The following CFAP299 variants were observed in gnomAD, a reference collection of about 807,000 sequenced individuals.
CFAP299 encodes cilia- and flagella-associated protein 299.
Under a neutral mutation model 27.0 loss-of-function variants are expected in CFAP299, and 21 were observed. The ratio of observed to expected loss-of-function variants is 0.78; its 90% CI spans 0.55 to 1.12. The LOEUF (loss-of-function observed/expected upper bound fraction) is 1.12. Among genes scored for constraint, CFAP299 ranks in the 50% most tolerant of loss-of-function variants. The pLI, the probability that CFAP299 is intolerant of heterozygous loss-of-function variation, is 0.00. For missense variants in CFAP299, 310 were observed against 276.6 expected (o/e 1.12, Z -0.86); for synonymous variants, 104 against 98.1 (o/e 1.06, Z -0.36).
intron 4 of CFAP299, among the ~76,000 whole-genome samples, chr4:80,935,754 T>C (rs967637423): frequency 6.6e-6 from 1 of 151,986 alleles, no homozygotes; most frequent in Non-Finnish European, 1.5e-5. Flanking sequence ...CATGGCATAA[T>C]AAATTATCAA....
At chr4:80,640,457 C>A (rs1038871901) in intron 3 of CFAP299, among the ~76,000 whole-genome samples, 3 of 152,166 alleles carry the variant, frequency 2.0e-5, no homozygotes, top group Non-Finnish European at 2.9e-5. Flanking sequence ...GTAATCCAAT[C>A]TCAAGCTCTG....
chr4:80,370,130 T>C (rs1453786971), intron 2 of CFAP299, among the ~76,000 whole-genome samples: 2 of 152,090 alleles, frequency 1.3e-5, no homozygotes, highest in Admixed American at 1.3e-4. Flanking sequence ...GCTGGCACTT[T>C]ACATGGCCAG....
upstream of CFAP299, chr4:80,335,648 TG>T: frequency 1.5e-6 from 1 of 684,268 alleles, no homozygotes. Flanking sequence ...CGCCGGGGGG[TG>T]GGATTAACGT....
chr4:80,446,261 G>GA (rs967095941), intron 2 of CFAP299, among the ~76,000 whole-genome samples: 4 of 152,148 alleles, frequency 2.6e-5, no homozygotes, highest in Non-Finnish European at 5.9e-5. Context: ...AGGGTCAGGG[G>GA]AAAGTGGCAG....
intron 3 of CFAP299, among the ~76,000 whole-genome samples, chr4:80,680,653 C>T (rs1719778452): frequency 1.3e-5 from 2 of 152,074 alleles, no homozygotes. Context: ...TCTGATGTTC[C>T]ACATGGGATT....
intron 3 of CFAP299, among the ~76,000 whole-genome samples, chr4:80,639,238 AC>A (rs958616561): frequency 6.6e-6 from 1 of 152,192 alleles, no homozygotes; most frequent in African/African-American, 2.4e-5. Context: ...CGTATGTAAA[AC>A]AAAGAGTCAC....
chr4:80,775,472 A>G (rs2110086863), intron 3 of CFAP299, among the ~76,000 whole-genome samples: 1 of 152,152 alleles, frequency 6.6e-6, no homozygotes, highest in South Asian at 2.1e-4. Context: ...TCTGTAATAC[A>G]CCATATTTAT....
At chr4:80,686,881 C>T (rs1720232382) in intron 3 of CFAP299, among the ~76,000 whole-genome samples, 1 of 152,190 alleles carries the variant, frequency 6.6e-6, no homozygotes, top group South Asian at 2.1e-4. Context: ...GCTGAAACCT[C>T]CTGACTGATG....
At chr4:80,546,128 A>T (rs201799519) in intron 2 of CFAP299, among the ~76,000 whole-genome samples, 1 of 152,188 alleles carries the variant, frequency 6.6e-6, no homozygotes, top group Non-Finnish European at 1.5e-5. Flanking sequence ...TGACAAGCCC[A>T]CAGCCGGTGT....
At chr4:80,356,998 A>G (rs1053647615) in intron 1 of CFAP299, among the ~76,000 whole-genome samples, 1 of 152,026 alleles carries the variant, frequency 6.6e-6, no homozygotes, top group Admixed American at 6.6e-5. Flanking sequence ...TTATTGTTTC[A>G]AGGTATGTTC....
At chr4:80,687,654 AAC>A (rs1477254733) in intron 3 of CFAP299, among the ~76,000 whole-genome samples, 2 of 152,212 alleles carry the variant, frequency 1.3e-5, no homozygotes, top group African/African-American at 2.4e-5. Context: ...GGCTGTCTAA[AAC>A]ACAGAGCAGG....
chr4:80,382,722 G>A (rs965699194), intron 2 of CFAP299, among the ~76,000 whole-genome samples: 2 of 152,126 alleles, frequency 1.3e-5, no homozygotes, highest in Admixed American at 6.5e-5. Context: ...TACACCGTTG[G>A]GGGGACTGCA....
chr4:80,583,849 T>A (rs1225758584), intron 3 of CFAP299, among the ~76,000 whole-genome samples: 1 of 151,954 alleles, frequency 6.6e-6, no homozygotes, highest in Non-Finnish European at 1.5e-5. Flanking sequence ...AAAACTGTAG[T>A]AAGTGACTGA....
intron 4 of CFAP299, among the ~76,000 whole-genome samples, chr4:80,889,103 C>T (rs536345861): frequency 1.4e-5 from 2 of 147,040 alleles, no homozygotes; most frequent in Admixed American, 1.4e-4. Flanking sequence ...GCAAACAAAA[C>T]CCTAAATTAG....
At position 80,432,047 on chromosome 4, in the gene CFAP299, T is replaced by C. The variant is rs183573000; in HGVS notation, c.242+69163T>C. On this transcript the variant is annotated intron_variant, in intron 2 of 5. Coordinates refer to ENST00000358105, the MANE Select transcript of CFAP299 (RefSeq NM_152770.3). ...AATAACACAGTAAGTATTTTTTGAA[T>C]AAGTTAATGTAATAATCTCACTTAT... is the stretch of plus-strand genomic sequence containing the variant. 2.8e-4 allele frequency among the ~76,000 whole-genome samples: 42 copies of C among 152,356 alleles called. No individual in the cohort carries two copies. In the East Asian group the frequency reaches 6.2e-3, roughly 22 times the overall value.
chr4:80,329,113 G>C, the CFAP299 span, among the ~76,000 whole-genome samples: 8 of 151,472 alleles, frequency 5.3e-5, no homozygotes, highest in South Asian at 1.7e-3. Flanking sequence ...GCCATTGTTA[G>C]TGTTAGTGTA....
At chr4:80,521,888 T>G (rs1291239211) in intron 2 of CFAP299, among the ~76,000 whole-genome samples, 14 of 152,010 alleles carry the variant, frequency 9.2e-5, no homozygotes, top group Admixed American at 9.2e-4. Context: ...ACTTAGATTG[T>G]TTTCACCTCT....
At chr4:80,468,886 T>C (rs1412844293) in intron 2 of CFAP299, among the ~76,000 whole-genome samples, 1 of 151,554 alleles carries the variant, frequency 6.6e-6, no homozygotes, top group Non-Finnish European at 1.5e-5. Flanking sequence ...AATTAGTTAT[T>C]AGTTTTAGAA....
Position 80,587,950 on chromosome 4 carries a change from T to G in CFAP299, c.333+4767T>G, listed in dbSNP as rs145759898. ...AAAAGCAGAGCATAGGATGCCAATT[T>G]TAGTGCAAGCGATTTATTGAGAAAG... On this transcript the variant is annotated intron_variant, in intron 3 of 5. Transcript: ENST00000358105. Among the ~76,000 whole-genome samples, 706 of 145,950 alleles carry G rather than the reference T, an allele frequency of 4.8e-3. 14 individuals carry two copies. Among genetic ancestry groups the G allele is most frequent in the Non-Finnish European group, 8.0e-3 (544 of 67,926 alleles).
Sources: gnomAD v4.1 joint callset for allele counts (sites outside exome capture counted in the v4.1 genomes callset) on GRCh38, gnomAD v4.1.1 for gene constraint, MANE v1.5 for transcripts, NCBI Gene and HGNC (gene_info 2026-07-23, HGNC 2026-07-21) for gene names.